Variants in SH3KBP1 observed in about 807,000 individuals in gnomAD.
SH3KBP1 encodes the protein SH3 domain containing kinase binding protein 1, also known as SH3 domain-containing kinase-binding protein 1.
Under a neutral mutation model 50.1 loss-of-function variants are expected in SH3KBP1, and 8 were observed. The observed-to-expected ratio is 0.16, with a 90% CI of 0.09 to 0.29. The LOEUF is 0.29. SH3KBP1 is among the 10% of genes least tolerant of loss of function. SH3KBP1 has a pLI of 1.00. For missense variants in SH3KBP1, 377 were observed against 535.2 expected (o/e 0.70, Z 2.92); for synonymous variants, 227 against 218.6 (o/e 1.04, Z -0.34).
At chrX:19,541,793 A>G in intron 16 of SH3KBP1, 132 bp downstream of exon 16, 1 of 718,353 alleles carries the variant, frequency 1.4e-6, no homozygotes, top group Non-Finnish European at 2.1e-6. Flanking sequence ...CACTCCCACC[A>G]TTGCTGCCAC....
intron 6 of SH3KBP1, among the ~76,000 whole-genome samples, chrX:19,673,276 A>G (rs1280064854): frequency 9.0e-6 from 1 of 111,140 alleles, no homozygotes; most frequent in African/African-American, 3.3e-5. Context: ...AAATAAACAC[A>G]TATCTGTGAT....
chrX:19,650,843 T>C (rs770176787), intron 6 of SH3KBP1, among the ~76,000 whole-genome samples: 1 of 111,465 alleles, frequency 9.0e-6, no homozygotes, highest in South Asian at 3.8e-4. Flanking sequence ...TTCTCCAGAA[T>C]GGTGTGCTGA....
chrX:19,788,368 A>C (rs751130387), intron 2 of SH3KBP1, among the ~76,000 whole-genome samples: 1 of 109,622 alleles, frequency 9.1e-6, no homozygotes, highest in African/African-American at 3.3e-5. Context: ...ATGAAGACAG[A>C]GACTGGGGTG....
intron 1 of SH3KBP1, among the ~76,000 whole-genome samples, chrX:19,875,421 G>A (rs1178091564): frequency 8.9e-6 from 1 of 112,419 alleles, no homozygotes; most frequent in African/African-American, 3.2e-5. Flanking sequence ...CACAGAAGAG[G>A]CCACACGGCC....
intron 7 of SH3KBP1, among the ~76,000 whole-genome samples, chrX:19,638,055 C>T (rs1286662477): frequency 9.4e-6 from 1 of 106,935 alleles, no homozygotes; most frequent in Non-Finnish European, 1.9e-5. Flanking sequence ...CCAGCCTAGG[C>T]GACACAGCAA....
At chrX:19,796,461 G>A (rs1348540921) in intron 2 of SH3KBP1, among the ~76,000 whole-genome samples, 1 of 111,761 alleles carries the variant, frequency 8.9e-6, no homozygotes, top group African/African-American at 3.3e-5. Flanking sequence ...TGGTGCCTTG[G>A]GCTAGCTTCT....
chrX:19,742,876 C>T (rs777456242), intron 3 of SH3KBP1, among the ~76,000 whole-genome samples: 1 of 112,120 alleles, frequency 8.9e-6, no homozygotes. Context: ...AACTTCAGAA[C>T]ATACAACATC....
At chrX:19,634,477 A>G (rs2061656165) in intron 7 of SH3KBP1, among the ~76,000 whole-genome samples, 1 of 111,762 alleles carries the variant, frequency 8.9e-6, no homozygotes, top group Admixed American at 9.5e-5. Flanking sequence ...GGAAAGCACC[A>G]CTGTTAGAGA....
chrX:19,765,319 T>C (rs778494808), intron 2 of SH3KBP1, among the ~76,000 whole-genome samples: 2 of 111,400 alleles, frequency 1.8e-5, no homozygotes, highest in Admixed American at 1.9e-4. Flanking sequence ...AGAAACTGTC[T>C]TACTGGGCTA....
chrX:19,583,606 G>A (rs1178818976), intron 12 of SH3KBP1, among the ~76,000 whole-genome samples: 1 of 110,507 alleles, frequency 9.0e-6, no homozygotes. Flanking sequence ...AGCGATCACT[G>A]TAAGAGCCTT....
At chrX:19,866,166 G>A (rs2068901334) in intron 1 of SH3KBP1, among the ~76,000 whole-genome samples, 1 of 111,635 alleles carries the variant, frequency 9.0e-6, no homozygotes, top group Non-Finnish European at 1.9e-5. Context: ...AATCTACTGT[G>A]CCCAACCCAG....
intron 1 of SH3KBP1, among the ~76,000 whole-genome samples, chrX:19,861,782 C>T (rs758796550): frequency 3.6e-5 from 4 of 112,036 alleles, no homozygotes; most frequent in East Asian, 2.8e-4. Flanking sequence ...TTGTTTGATA[C>T]GAGGAATGAG....
At chrX:19,758,628 A>T (rs1462000745) in intron 2 of SH3KBP1, among the ~76,000 whole-genome samples, 3 of 111,634 alleles carry the variant, frequency 2.7e-5, no homozygotes, top group Non-Finnish European at 5.6e-5. Flanking sequence ...TCACTACATC[A>T]TACCTAGTCC....
intron 6 of SH3KBP1, among the ~76,000 whole-genome samples, chrX:19,664,987 C>A (rs1197820477): frequency 8.9e-6 from 1 of 112,009 alleles, no homozygotes; most frequent in Non-Finnish European, 1.9e-5. Flanking sequence ...ACTCTAGGAT[C>A]TAAAAATATT....
chrX:19,760,397 AATACATACATAC>A (rs545437176), intron 2 of SH3KBP1, among the ~76,000 whole-genome samples: 1,601 of 96,625 alleles, frequency 0.017, 26 homozygotes, highest in Non-Finnish European at 0.026. Context: ...AAAATAAATA[AATACATACATAC>A]ATACATACAT....
chrX:19,827,818 CTT>C (rs2067731166), intron 2 of SH3KBP1, among the ~76,000 whole-genome samples: 1 of 70,847 alleles, frequency 1.4e-5, no homozygotes, highest in Non-Finnish European at 2.4e-5. Context: ...CATTAAATGA[CTT>C]TAAGATATCA....
At chrX:19,671,551 A>G (rs2062796527) in intron 6 of SH3KBP1, among the ~76,000 whole-genome samples, 1 of 111,860 alleles carries the variant, frequency 8.9e-6, no homozygotes, top group Non-Finnish European at 1.9e-5. Context: ...CTTTCCCCCA[A>G]AAGAGATACC....
chrX:19,776,609 A>G (rs2065990231), intron 2 of SH3KBP1, among the ~76,000 whole-genome samples: 1 of 87,163 alleles, frequency 1.1e-5, no homozygotes, highest in Non-Finnish European at 2.1e-5. Flanking sequence ...ATTCAGTGGC[A>G]TGATCATAAC....
At chrX:19,631,502 T>TG (rs1556035303) in intron 8 of SH3KBP1, among the ~76,000 whole-genome samples, 2 of 111,076 alleles carry the variant, frequency 1.8e-5, no homozygotes, top group African/African-American at 6.6e-5. Context: ...ACCAGCGTTT[T>TG]AAAAAAAAAC....
Sources: allele counts gnomAD v4.1 joint callset (sites outside exome capture counted in the v4.1 genomes callset), GRCh38; gene constraint gnomAD v4.1.1; transcripts MANE v1.5; gene names NCBI Gene and HGNC (gene_info 2026-07-23, HGNC 2026-07-21).